The following TMEM235 variants were observed in gnomAD, a reference collection of about 807,000 sequenced individuals.
TMEM235 encodes claudin-27.
A neutral mutation model predicts 22.9 loss-of-function variants in TMEM235; 23 were observed. That is an observed-to-expected ratio of 1.00 (90% CI 0.72 to 1.42). The LOEUF (loss-of-function observed/expected upper bound fraction) is 1.42, where lower values mean the gene tolerates loss of function less well. Ranked by LOEUF, TMEM235 falls within the 40% of genes most tolerant of loss-of-function variation. The pLI, the probability that TMEM235 is intolerant of heterozygous loss-of-function variation, is 0.00. For synonymous variants in TMEM235, 137 were observed against 140.5 expected (o/e 0.98, Z 0.17); for missense variants, 308 against 299.5 (o/e 1.03, Z -0.21).
Position 78,233,977 on chromosome 17 carries a change from T to G in TMEM235, c.271+2T>G. 6.6e-7 allele frequency: 1 copy of G among 1,523,556 alleles called. No homozygotes were observed. The highest frequency in any genetic ancestry group is 1.2e-5 in the South Asian group (1 of 82,250). 94.4% of individuals were successfully genotyped at this position (1,523,556 alleles called of 1,614,324 possible). On this transcript the variant is annotated splice_donor_variant, in intron 3 of 5. Coordinates refer to ENST00000421688, the Ensembl canonical transcript of TMEM235. LOFTEE classifies it high-confidence loss of function. The stretch of plus-strand genomic sequence containing the variant: ...CCACCTCGGTGCAGCACCTCATCTG[T>G]GAGTCCTGGGTGGGGCCACCTCCCC...
chr17:78,231,536 G>T (rs1483416267), exon 2 of TMEM235: 2 of 1,303,974 alleles, frequency 1.5e-6, no homozygotes, highest in Non-Finnish European at 2.0e-6. Flanking sequence ...CCCGTGCCAG[G>T]CTCCTATGCT....
chr17:78,231,919 G>C, exon 2 of TMEM235: 2 of 991,316 alleles, frequency 2.0e-6, no homozygotes, highest in Non-Finnish European at 2.4e-6. Context: ...GCCGGGCGCC[G>C]CCGCGCCCGC....
rs987358067 is a variant in TMEM235 at position 78,237,096 on chromosome 17, G to A, written c.410-1928G>A. On this transcript the variant is annotated intron_variant, in intron 4 of 5. Coordinates refer to ENST00000421688, the Ensembl canonical transcript of TMEM235. The surrounding 1 kb of genome is among the most constrained non-coding windows in gnomAD (Gnocchi z 4.7). ...CGGCTAGGGGGTGGAGGGGCCGGAG[G>A]TAGCTGGTGGATGGGTGGGGGTTCC... Among the ~76,000 whole-genome samples the A allele has an allele frequency of 3.3e-5, 5 of 152,174 alleles. 1 individual carries two copies. The highest frequency in any genetic ancestry group is 3.3e-4 in the Admixed American group (5 of 15,278).
rs756878335 is a variant in TMEM235, at chr17:78,239,827, C to T, written c.*35C>T. ...CGGCAGAGGGACCCACCCAGATCGC[C>T]TGGCGCCAGAGAGATGCCGTCTCAG... On this transcript the variant is annotated 3_prime_UTR_variant, in exon 6 of 6. Transcript: ENST00000421688. 1.0e-5 allele frequency: 16 copies of T among 1,551,186 alleles called. No individual in the cohort carries two copies. The South Asian group carries it at 1.8e-4, about 17-fold the overall frequency.
chr17:78,234,440 AG>A, intron 3 of TMEM235, 152 bp from the exon 3 acceptor site: 2 of 1,150,142 alleles, frequency 1.7e-6, no homozygotes, highest in Non-Finnish European at 2.5e-6. Flanking sequence ...CCAGAGTCAG[AG>A]GGGGCCACTG....
Position 78,237,944 on chromosome 17 carries a change from C to A in TMEM235, c.410-1080C>A, listed in dbSNP as rs189145880. Among the ~76,000 whole-genome samples the A allele has an allele frequency of 2.4e-3, 364 of 152,292 alleles. 2 individuals carry two copies. The highest frequency in any genetic ancestry group is 8.3e-3 in the African/African-American group (347 of 41,570). On this transcript the variant is annotated intron_variant, in intron 4 of 5. Coordinates refer to ENST00000421688, the Ensembl canonical transcript of TMEM235. This position sits in a 1 kb window ranked among gnomAD's most constrained non-coding sequence, Gnocchi z 4.7. ...CTGTGTTGTGCCCCTTCACTGGGCA[C>A]CAGTGAGATCCAGACCTGGCCCTGA...
In TMEM235 at chr17:78,238,028, G is replaced by A. The variant is rs1303785246; in HGVS notation, c.410-996G>A. Reference sequence around the variant, plus strand: ...GGGCAGTGCCCAGAGGGGACCCTGTGCACCCAGGAAGTGCCTGTGGGGAAA... The same window carrying A: ...GGGCAGTGCCCAGAGGGGACCCTGTACACCCAGGAAGTGCCTGTGGGGAAA... On this transcript the variant is annotated intron_variant, in intron 4 of 5. Coordinates refer to ENST00000421688, the Ensembl canonical transcript of TMEM235. This position sits in a 1 kb window ranked among gnomAD's most constrained non-coding sequence, Gnocchi z 4.3. 6.6e-6 allele frequency among the ~76,000 whole-genome samples: 1 copy of A among 152,154 alleles called. No individual in the cohort carries two copies. The highest frequency in any genetic ancestry group is 2.4e-5 in the African/African-American group (1 of 41,410).
Position 78,237,962 on chromosome 17 carries a change from G to T in TMEM235, c.410-1062G>T, listed in dbSNP as rs576343657. On this transcript the variant is annotated intron_variant, in intron 4 of 5. Coordinates refer to ENST00000421688, the Ensembl canonical transcript of TMEM235. The surrounding 1 kb of genome is among the most constrained non-coding windows in gnomAD (Gnocchi z 4.7). ...CTGGGCACCAGTGAGATCCAGACCT[G>T]GCCCTGAATGTCAGCTTGGGTCAGT... is the stretch of plus-strand genomic sequence containing the variant. Among the ~76,000 whole-genome samples, 2 of 152,238 alleles carry T rather than the reference G, an allele frequency of 1.3e-5. No homozygotes were observed. Among genetic ancestry groups the T allele is most frequent in the South Asian group, 4.1e-4 (2 of 4,828 alleles).
exon 2 of TMEM235, chr17:78,231,982 G>A: frequency 8.9e-7 from 1 of 1,124,254 alleles, no homozygotes; most frequent in East Asian, 4.3e-5. Context: ...CGCCCCCGGG[G>A]CCCTGCTACC....
chr17:78,233,942 C>G (rs1245739674), exon 3 of TMEM235: 2 of 1,534,800 alleles, frequency 1.3e-6, no homozygotes, highest in Non-Finnish European at 1.7e-6. Flanking sequence ...CAGTGAGAGC[C>G]TGGACGTCTC....
At chr17:78,234,028 C>A in intron 3 of TMEM235, 53 bp downstream of exon 2, 1 of 1,424,950 alleles carries the variant, frequency 7.0e-7, no homozygotes, top group Non-Finnish European at 9.4e-7. Context: ...TCAGGCAAGG[C>A]AGATCCCAGC....
chr17:78,239,128 G>T, exon 5 of TMEM235: 1 of 1,543,266 alleles, frequency 6.5e-7, no homozygotes. Flanking sequence ...GGGCGTCCGC[G>T]TCAGCTTCGG....
chr17:78,231,439 C>G, exon 2 of TMEM235: 1 of 1,299,022 alleles, frequency 7.7e-7, no homozygotes, highest in Non-Finnish European at 1.0e-6. Flanking sequence ...CAGCCCCCCG[C>G]CCGGCTGTGG....
chr17:78,233,504 G>A lies in TMEM235; in HGVS notation c.191-391G>A, dbSNP rs1396658373. Among the ~76,000 whole-genome samples the A allele has an allele frequency of 2.0e-5, 3 of 152,074 alleles. No individual in the cohort carries two copies. In the South Asian group the frequency reaches 6.2e-4, roughly 32 times the overall value. On this transcript the variant is annotated intron_variant, in intron 2 of 5. Coordinates refer to ENST00000421688, the Ensembl canonical transcript of TMEM235. The stretch of plus-strand genomic sequence containing the variant: ...GGGTGGATCACGAGGTCAGGAGATC[G>A]AGACCACAGTGAAACCCCGTCTCTA...
At chr17:78,240,018 C>T in exon 6 of TMEM235, 1 of 1,520,116 alleles carries the variant, frequency 6.6e-7, no homozygotes, top group Non-Finnish European at 8.9e-7. Flanking sequence ...GTTCTCAAGC[C>T]TGCTAGGTAC....
Position 78,239,754 on chromosome 17 carries a change from A to G in TMEM235, c.660-26A>G, listed in dbSNP as rs752189955. ...TCCAGCCCCGCAATGGCCCTACTCA[A>G]TGACTACCCTTTATCCATTTTACAG... On this transcript the variant is annotated intron_variant, in intron 5 of 5. Coordinates refer to ENST00000421688, the Ensembl canonical transcript of TMEM235. The G allele has an allele frequency of 3.3e-6, 5 of 1,528,710 alleles. No individual in the cohort carries two copies. The South Asian group carries it at 3.6e-5, about 11-fold the overall frequency. The allele number at this position is 1,528,710 out of a possible 1,614,324, so 94.7% of individuals were successfully genotyped here.
chr17:78,234,312 C>T, intron 3 of TMEM235: 1 of 692,562 alleles, frequency 1.4e-6, no homozygotes. Flanking sequence ...TTCCAGATGG[C>T]CTGCTGTCTA....
intron 2 of TMEM235, among the ~76,000 whole-genome samples, chr17:78,233,090 C>T (rs1446622923): frequency 6.6e-6 from 1 of 152,176 alleles, no homozygotes; most frequent in Non-Finnish European, 1.5e-5. Context: ...TTGTGTTCAT[C>T]CAACAGACTG....
At chr17:78,234,896 G>A (rs976583711) in intron 4 of TMEM235, among the ~76,000 whole-genome samples, 166 bp downstream of exon 3, 1 of 152,230 alleles carries the variant, frequency 6.6e-6, no homozygotes, top group South Asian at 2.1e-4. Context: ...GTTCCAGAAG[G>A]TACCCATGTA....
Sources: allele counts gnomAD v4.1 joint callset (sites outside exome capture counted in the v4.1 genomes callset), GRCh38; gene constraint gnomAD v4.1.1; non-coding constraint Gnocchi (gnomAD v3.1); transcripts MANE v1.5; gene names NCBI Gene and HGNC (gene_info 2026-07-23, HGNC 2026-07-21).